Variants in CHAF1B observed in about 807,000 individuals in gnomAD.
The protein encoded by CHAF1B is CAF-1 subunit B.
In CHAF1B, 10 loss-of-function variants were observed where a neutral mutation model predicts 60.7. The ratio of observed to expected loss-of-function variants is 0.16; its 90% confidence interval spans 0.10 to 0.28. The LOEUF is 0.28. Among genes scored for constraint, CHAF1B ranks in the 10% least tolerant of loss-of-function variants. The pLI, the probability that CHAF1B is intolerant of heterozygous loss-of-function variation, is 1.00. For missense variants in CHAF1B, 558 were observed against 708.4 expected, an observed-to-expected ratio of 0.79 and a Z score of 2.41; for synonymous variants, 261 against 266.1, an observed-to-expected ratio of 0.98 and a Z score of 0.19.
chr21:36,398,596 G>A (rs1311502655), intron 6 of CHAF1B, among the ~76,000 whole-genome samples: 2 of 152,136 alleles, frequency 1.3e-5, no homozygotes, highest in Non-Finnish European at 2.9e-5. Flanking sequence ...CTGACCTCAG[G>A]TGACCTGCCT....
chr21:36,388,265 C>T (rs963391886), intron 3 of CHAF1B, among the ~76,000 whole-genome samples: 1 of 152,122 alleles, frequency 6.6e-6, no homozygotes, highest in Non-Finnish European at 1.5e-5. Context: ...TTGAAAACAG[C>T]TGCTTTCCCG....
chr21:36,387,084 C>G (rs2086040875), intron 2 of CHAF1B, among the ~76,000 whole-genome samples: 1 of 152,108 alleles, frequency 6.6e-6, no homozygotes, highest in African/African-American at 2.4e-5. Flanking sequence ...GATCCTGATC[C>G]TGGTTCCTAC....
chr21:36,416,379 T>C lies in CHAF1B; in HGVS notation c.*13T>C. 1 of 1,610,004 alleles carries C rather than the reference T, an allele frequency of 6.2e-7. No homozygotes were observed. Among genetic ancestry groups the C allele is most frequent in the South Asian group, 1.1e-5 (1 of 90,526 alleles). On this transcript the variant is annotated 3_prime_UTR_variant, in exon 14 of 14. Coordinates refer to ENST00000314103, the MANE Select transcript of CHAF1B (RefSeq NM_005441.3). ...TCTGGACCCTTGATGGGACCTCGGC[T>C]TCTGCTCGAAGCCTACCAGGCTCCC...
At chr21:36,394,486 AG>A in intron 4 of CHAF1B, 60 bp from the exon 5 acceptor site, 3 of 1,186,750 alleles carry the variant, frequency 2.5e-6, no homozygotes. Context: ...CTGGGATTAC[AG>A]GGGTAAGCTG....
At chr21:36,414,151 C>T (rs2086300015) in intron 12 of CHAF1B, among the ~76,000 whole-genome samples, 1 of 152,230 alleles carries the variant, frequency 6.6e-6, no homozygotes, top group Admixed American at 6.5e-5. Context: ...CTCCTGTTTC[C>T]ATTCTTCCCC....
At chr21:36,411,394 G>A (rs1038839918) in intron 10 of CHAF1B, 69 bp from the exon 11 acceptor site, 16 of 1,586,870 alleles carry the variant, frequency 1.0e-5, no homozygotes, top group African/African-American at 5.4e-5. Context: ...GATTCTAGGC[G>A]TGAGCCATTG....
intron 3 of CHAF1B, among the ~76,000 whole-genome samples, chr21:36,389,743 C>T (rs1013349443): frequency 1.4e-5 from 2 of 147,856 alleles, no homozygotes; most frequent in African/African-American, 5.1e-5. Flanking sequence ...CCATGATACC[C>T]AGAGTGCATG....
At chr21:36,414,088 TCTA>T (rs1226467622) in intron 12 of CHAF1B, among the ~76,000 whole-genome samples, 1 of 151,916 alleles carries the variant, frequency 6.6e-6, no homozygotes, top group Non-Finnish European at 1.5e-5. Context: ...GTCTGCCACT[TCTA>T]CTGGATACAG....
chr21:36,388,322 C>A (rs896051972), intron 3 of CHAF1B, among the ~76,000 whole-genome samples: 3 of 152,126 alleles, frequency 2.0e-5, no homozygotes, highest in African/African-American at 7.2e-5. Flanking sequence ...AGGCACTTAC[C>A]ATTCTGTCAC....
chr21:36,395,413 C>T (rs769425757), intron 5 of CHAF1B, among the ~76,000 whole-genome samples: 1 of 152,182 alleles, frequency 6.6e-6, no homozygotes, highest in Non-Finnish European at 1.5e-5. Flanking sequence ...GTGGTTGGCT[C>T]AACAGGATAG....
chr21:36,387,515 C>T (rs2086044290), intron 2 of CHAF1B, 83 bp from the exon 3 acceptor site: 2 of 1,538,816 alleles, frequency 1.3e-6, no homozygotes, highest in Non-Finnish European at 1.8e-6. Context: ...GCCACCACAC[C>T]CAGCCCATAG....
intron 2 of CHAF1B, 86 bp downstream of exon 2, chr21:36,386,348 C>T: frequency 1.3e-6 from 2 of 1,528,384 alleles, no homozygotes; most frequent in African/African-American, 1.4e-5. Flanking sequence ...GTCGGCTGGG[C>T]GCGGTGGCTT....
intron 7 of CHAF1B, among the ~76,000 whole-genome samples, chr21:36,400,882 G>A (rs759530480): frequency 1.3e-5 from 2 of 152,168 alleles, no homozygotes; most frequent in Admixed American, 6.6e-5. Flanking sequence ...GGCTTCACAC[G>A]GGGACATGGT....
chr21:36,415,912 C>T (rs564193488), intron 13 of CHAF1B: 50 of 321,020 alleles, frequency 1.6e-4, no homozygotes, highest in African/African-American at 9.3e-4. Context: ...GCCATCACAC[C>T]CGGGTAATTT....
intron 4 of CHAF1B, among the ~76,000 whole-genome samples, chr21:36,393,266 T>G (rs544200530): frequency 1.3e-5 from 2 of 152,034 alleles, no homozygotes; most frequent in South Asian, 4.1e-4. Flanking sequence ...TTTTTAAATT[T>G]CTGTGGAGAC....
intron 8 of CHAF1B, among the ~76,000 whole-genome samples, chr21:36,407,839 A>G (rs577338977): frequency 6.6e-6 from 1 of 152,108 alleles, no homozygotes; most frequent in African/African-American, 2.4e-5. Context: ...TTAGCCGGGC[A>G]TCGTGGCAGG....
intron 13 of CHAF1B, among the ~76,000 whole-genome samples, 155 bp from the exon 14 acceptor site, chr21:36,416,120 G>A (rs368230835): frequency 6.6e-6 from 1 of 152,152 alleles, no homozygotes; most frequent in South Asian, 2.1e-4. Context: ...AATCGCCCCT[G>A]GTTGAGAGCC....
chr21:36,415,378 A>G lies in CHAF1B; in HGVS notation c.1577A>G (p.Glu526Gly). Residue 526 changes from glutamate to glycine, a missense_variant, in exon 13 of 14, where the codon GAA becomes GGA. Physicochemically the swap from Glu to Gly is moderately conservative, Grantham distance 98. This residue lies in a region of CHAF1B where 233 missense variants were observed against 214.9 expected (regional missense o/e 1.08). Transcript: ENST00000314103. ...GTGATTTCCACCCCTTCTACAGAAGAAATTCAGTCAGGTAAGTAATATTGT... is the reference window on the plus strand; with the variant it reads ...GTGATTTCCACCCCTTCTACAGAAGGAATTCAGTCAGGTAAGTAATATTGT... ...TSVISTPSTE[E>G]IQSETPGDAQ... 2 of 1,588,902 alleles carry G rather than the reference A, an allele frequency of 1.3e-6. No individual in the cohort carries two copies. The highest frequency in any genetic ancestry group is 1.7e-6 in the Non-Finnish European group (2 of 1,157,134).
intron 11 of CHAF1B, among the ~76,000 whole-genome samples, chr21:36,412,554 G>T (rs973326707): frequency 1.3e-5 from 2 of 152,050 alleles, no homozygotes; most frequent in African/African-American, 4.8e-5. Flanking sequence ...TAGAGACAGG[G>T]TTTCACCATG....
Sources: allele counts gnomAD v4.1 joint callset (sites outside exome capture counted in the v4.1 genomes callset), GRCh38; gene constraint gnomAD v4.1.1; regional missense constraint gnomAD v4.1.1; transcripts MANE v1.5; gene names NCBI Gene and HGNC (gene_info 2026-07-23, HGNC 2026-07-21).